NCKAP1L: variants seen among roughly 807,000 people sequenced by gnomAD.
NCKAP1L encodes nck-associated protein 1-like.
NCKAP1L carries 53 observed loss-of-function variants against 139.2 expected under a neutral mutation model. The observed-to-expected ratio is 0.38, with a 90% CI of 0.31 to 0.48. The LOEUF (loss-of-function observed/expected upper bound fraction) is 0.48. NCKAP1L is among the 20% of genes least tolerant of loss of function. The pLI is 0.98. For synonymous variants in NCKAP1L, 468 were observed against 499.7 expected, an observed-to-expected ratio of 0.94 and a Z score of 0.85; for missense variants, 1,151 against 1,381.9, an observed-to-expected ratio of 0.83 and a Z score of 2.65.
At chr12:54,535,488 C>G (rs17113263) in intron 27 of NCKAP1L, among the ~76,000 whole-genome samples, 34,891 of 152,074 alleles carry the variant, frequency 0.23, 7,704 homozygotes, top group African/African-American at 0.59. Context: ...GTGCTCAAAG[C>G]CATTTACAAT....
intron 4 of NCKAP1L, 120 bp downstream of exon 4, chr12:54,508,029 T>C (rs1189921086): frequency 3.4e-6 from 3 of 876,964 alleles, no homozygotes; most frequent in Non-Finnish European, 5.6e-6. Flanking sequence ...GGCTATTTTG[T>C]TTATTCCTTC....
intron 3 of NCKAP1L, 54 bp downstream of exon 3, chr12:54,500,679 T>G: frequency 9.1e-7 from 1 of 1,103,326 alleles, no homozygotes; most frequent in Non-Finnish European, 1.4e-6. Context: ...GAGGCTATTC[T>G]TTCTTTAGAT....
At position 54,509,696 on chromosome 12, in the gene NCKAP1L, G is replaced by A; in HGVS notation, c.534G>A (p.Gln178=). The A allele has an allele frequency of 6.2e-7, 1 of 1,614,194 alleles. No individual in the cohort carries two copies. The highest frequency in any genetic ancestry group is 8.5e-7 in the Non-Finnish European group (1 of 1,180,016). Residue 178 remains glutamine (Q), a synonymous_variant, in exon 6 of 31, where the codon CAG becomes CAA. Coordinates refer to ENST00000293373, the MANE Select transcript of NCKAP1L (RefSeq NM_005337.5). ...ACCCCAGTTTTGCCCGTCTGGGTCA[G>A]ATGGTCTTGGAGTATGACCACCCTC... ...HGDPSFARLG[Q]MVLEYDHPLK...
chr12:54,517,859 G>A lies in NCKAP1L; in HGVS notation c.1259G>A (p.Arg420Lys), dbSNP rs545725522. The A allele has an allele frequency of 1.2e-6, 2 of 1,614,164 alleles. No homozygotes were observed. The highest frequency in any genetic ancestry group is 2.2e-5 in the East Asian group (1 of 44,888). Residue 420 changes from arginine (R) to lysine (K), a missense_variant, in exon 13 of 31, where the codon AGA becomes AAA. Arg to Lys is a conservative substitution (Grantham distance 26). Transcript: ENST00000293373. ...GAGGGGATTAGGTCTCTGGTCCGAA[G>A]ACACATCAAAGTGATACAGCAATAC... ...LLEGIRSLVR[R>K]HIKVIQQYHL...
At chr12:54,529,051 T>G (rs1957047869) in intron 22 of NCKAP1L, among the ~76,000 whole-genome samples, 1 of 152,212 alleles carries the variant, frequency 6.6e-6, no homozygotes, top group Non-Finnish European at 1.5e-5. Context: ...AAGTTCTAAG[T>G]GTTTATACAT....
At chr12:54,504,003 A>G (rs2120877036) in intron 3 of NCKAP1L, among the ~76,000 whole-genome samples, 1 of 152,294 alleles carries the variant, frequency 6.6e-6, no homozygotes, top group African/African-American at 2.4e-5. Context: ...TTAATGTAAA[A>G]GCAAATTGCA....
chr12:54,533,630 G>A (rs1050049169), intron 26 of NCKAP1L, among the ~76,000 whole-genome samples: 1 of 151,768 alleles, frequency 6.6e-6, no homozygotes, highest in African/African-American at 2.4e-5. Context: ...GCTGGAGTGC[G>A]ATCTCAGCTC....
chr12:54,523,440 A>G lies in NCKAP1L; in HGVS notation c.1925A>G (p.Lys642Arg). Residue 642 changes from lysine to arginine, a missense_variant, in exon 19 of 31, where the codon AAG (lysine) becomes AGG (arginine). Coordinates refer to ENST00000293373, the MANE Select transcript of NCKAP1L (RefSeq NM_005337.5). ...CATTISKAKN[K>R]KTRKQRQTPR... ...ACTACAATCAGCAAAGCCAAGAACA[A>G]GAAAACCAGGAAGCAGAGGCAGACT... is the stretch of plus-strand genomic sequence containing the variant. 6.2e-7 allele frequency: 1 copy of G among 1,614,190 alleles called. No individual in the cohort carries two copies. Among genetic ancestry groups the G allele is most frequent in the East Asian group, 2.2e-5 (1 of 44,882 alleles).
At chr12:54,501,298 G>T (rs1257281819) in intron 3 of NCKAP1L, among the ~76,000 whole-genome samples, 1 of 152,070 alleles carries the variant, frequency 6.6e-6, no homozygotes, top group Admixed American at 6.5e-5. Flanking sequence ...TCCTTTTTAA[G>T]CTAAATAATA....
At chr12:54,499,605 CA>C in intron 2 of NCKAP1L, 140 bp downstream of exon 2, 1 of 595,224 alleles carries the variant, frequency 1.7e-6, no homozygotes, top group East Asian at 2.8e-5. Flanking sequence ...AAGGCTCAAC[CA>C]CAGGGCTTCA....
chr12:54,534,063 A>G (rs1387037949), intron 26 of NCKAP1L, among the ~76,000 whole-genome samples: 4 of 152,206 alleles, frequency 2.6e-5, no homozygotes, highest in African/African-American at 9.7e-5. Context: ...ATCAATATTT[A>G]TTGAATGCCT....
chr12:54,532,275 C>A lies in NCKAP1L; in HGVS notation c.2862+25C>A, dbSNP rs772995699. On this transcript the variant is annotated intron_variant, in intron 26 of 30. Transcript: ENST00000293373. ...GGTATGGAGGAGTGCAAAGTAGAAT[C>A]TAATTAGGAGACTTTTGTTGTTGAA... 9 of 1,577,674 alleles carry A rather than the reference C, an allele frequency of 5.7e-6. No homozygotes were observed. The South Asian group carries it at 1.0e-4, about 18-fold the overall frequency.
chr12:54,506,790 A>ATATATATATATATATAT (rs1165268195), intron 3 of NCKAP1L, among the ~76,000 whole-genome samples: 1 of 27,550 alleles, frequency 3.6e-5, no homozygotes, highest in African/African-American at 2.8e-4. Context: ...CATATTAAAA[A>ATATATATATATATATAT]AAAAAAATAT....
chr12:54,531,688 A>T, intron 24 of NCKAP1L, 55 bp from the exon 25 acceptor site: 1 of 1,603,954 alleles, frequency 6.2e-7, no homozygotes, highest in Non-Finnish European at 8.5e-7. Context: ...TAGAATCAAA[A>T]TCATCACCAA....
In NCKAP1L at chr12:54,536,161, G is replaced by T. The variant is rs778437035; in HGVS notation, c.2989G>T (p.Ala997Ser). Residue 997 changes from alanine to serine, a missense_variant, in exon 28 of 31, where the codon GCC (alanine) becomes TCC (serine). Coordinates refer to ENST00000293373, the MANE Select transcript of NCKAP1L (RefSeq NM_005337.5). Reference protein sequence around the residue: ...TSSPEEEYKVACLLLIFLAVS... With the variant: ...TSSPEEEYKVSCLLLIFLAVS... ...ATCTCCTGAGGAGGAATATAAGGTG[G>T]CCTGCCTGCTCTTGATCTTTCTGGC... The T allele has an allele frequency of 6.2e-7, 1 of 1,613,332 alleles. No homozygotes were observed. Among genetic ancestry groups the T allele is most frequent in the Non-Finnish European group, 8.5e-7 (1 of 1,179,580 alleles).
chr12:54,526,828 C>A, intron 21 of NCKAP1L, 82 bp downstream of exon 21: 3 of 1,167,426 alleles, frequency 2.6e-6, no homozygotes, highest in Non-Finnish European at 2.5e-6. Context: ...AGGGCCCGAG[C>A]ATTTTAGCTC....
intron 3 of NCKAP1L, among the ~76,000 whole-genome samples, chr12:54,507,164 T>C (rs1036776122): frequency 6.6e-6 from 1 of 152,008 alleles, no homozygotes; most frequent in African/African-American, 2.4e-5. Context: ...AATAAGAAAA[T>C]ATTATAAGAA....
At chr12:54,499,701 T>C (rs988179454) in intron 2 of NCKAP1L, among the ~76,000 whole-genome samples, 1 of 152,176 alleles carries the variant, frequency 6.6e-6, no homozygotes, top group African/African-American at 2.4e-5. Flanking sequence ...ATCACCCCTT[T>C]TCCATTGCAA....
At position 54,523,423 on chromosome 12, in the gene NCKAP1L, C is replaced by T; in HGVS notation, c.1908C>T (p.Ile636=). ...QLLPKHCATT[I]SKAKNKKTRK... is the part of the protein sequence containing the mutation. The stretch of plus-strand genomic sequence containing the variant: ...TACCTAAGCACTGTGCCACTACAAT[C>T]AGCAAAGCCAAGAACAAGAAAACCA... The change falls in exon 19 of 31, where the codon ATC becomes ATT. Residue 636 remains isoleucine (I), a synonymous_variant. Transcript: ENST00000293373. 6.2e-7 allele frequency: 1 copy of T among 1,614,142 alleles called. No individual in the cohort carries two copies. The highest frequency in any genetic ancestry group is 1.1e-5 in the South Asian group (1 of 91,078).
Sources: gnomAD v4.1 joint callset for allele counts (sites outside exome capture counted in the v4.1 genomes callset) on GRCh38, gnomAD v4.1.1 for gene constraint, MANE v1.5 for transcripts, NCBI Gene and HGNC (gene_info 2026-07-23, HGNC 2026-07-21) for gene names.